TRIM2: variants seen among roughly 807,000 people sequenced by gnomAD.
The protein encoded by TRIM2 is tripartite motif-containing protein 2.
A neutral mutation model predicts 75.2 loss-of-function variants in TRIM2; 20 were observed. That is an observed-to-expected ratio of 0.27 (90% CI 0.19 to 0.39). TRIM2 has a LOEUF of 0.39. TRIM2 is among the 10% of genes least tolerant of loss of function. The probability of loss-of-function intolerance (pLI) is 1.00; values close to 1 mark genes in which losing one functional copy is unlikely to be tolerated. For missense variants in TRIM2, 660 were observed against 990.8 expected (o/e 0.67, Z 4.48); for synonymous variants, 373 against 388.3 (o/e 0.96, Z 0.46).
intron 10 of TRIM2, among the ~76,000 whole-genome samples, chr4:153,328,269 A>T (rs942584516): frequency 2.6e-5 from 4 of 152,244 alleles, no homozygotes; most frequent in Non-Finnish European, 5.9e-5. Flanking sequence ...TAACAAAGGT[A>T]TCATTCACAT....
At chr4:153,198,742 T>C (rs1371561265) in intron 1 of TRIM2, among the ~76,000 whole-genome samples, 1 of 152,212 alleles carries the variant, frequency 6.6e-6, no homozygotes, top group Non-Finnish European at 1.5e-5. Context: ...TTTTGTATGT[T>C]GGCAAATCAG....
intron 1 of TRIM2, among the ~76,000 whole-genome samples, chr4:153,178,188 C>T (rs1468163640): frequency 6.6e-6 from 1 of 152,066 alleles, no homozygotes. Context: ...ACCCAAGAGC[C>T]CCACTGAGAG....
chr4:153,152,264 C>G (rs895444225), upstream of TRIM2: 7 of 152,064 alleles, frequency 4.6e-5, 1 homozygote, highest in African/African-American at 1.7e-4. Context: ...TCCCGGGAAA[C>G]CACCCCCCGC....
intron 1 of TRIM2, among the ~76,000 whole-genome samples, chr4:153,250,136 T>C (rs1416519184): frequency 6.6e-6 from 1 of 152,064 alleles, no homozygotes; most frequent in Non-Finnish European, 1.5e-5. Flanking sequence ...TTTTCTTTTT[T>C]AAAGACAGGG....
intron 1 of TRIM2, among the ~76,000 whole-genome samples, chr4:153,223,911 A>G (rs1023333163): frequency 1.3e-5 from 2 of 152,234 alleles, no homozygotes; most frequent in Non-Finnish European, 2.9e-5. Flanking sequence ...TTCTTGCAGC[A>G]GTATGCACAT....
At chr4:153,220,560 A>T (rs1330732569) in intron 1 of TRIM2, among the ~76,000 whole-genome samples, 1 of 152,238 alleles carries the variant, frequency 6.6e-6, no homozygotes, top group South Asian at 2.1e-4. Flanking sequence ...TGAGAACTCA[A>T]CAATAAAAGA....
chr4:153,212,693 G>A (rs950063677), intron 1 of TRIM2, among the ~76,000 whole-genome samples: 1 of 152,086 alleles, frequency 6.6e-6, no homozygotes, highest in African/African-American at 2.4e-5. Context: ...GAAAAGAGGT[G>A]GATGCAGACT....
intron 1 of TRIM2, chr4:153,222,098 T>C (rs1740735610): frequency 1.3e-5 from 1 of 77,390 alleles, no homozygotes; most frequent in African/African-American, 4.8e-5. Flanking sequence ...GAAGGGTCCC[T>C]ACTCCAACTT....
chr4:153,221,876 G>T (rs140374317), intron 1 of TRIM2, among the ~76,000 whole-genome samples: 1 of 89,958 alleles, frequency 1.1e-5, no homozygotes, highest in African/African-American at 4.4e-5. Flanking sequence ...GGAAGGAAGG[G>T]AAGGAGGAAG....
intron 1 of TRIM2, among the ~76,000 whole-genome samples, chr4:153,163,005 A>C (rs906118625): frequency 1.8e-4 from 27 of 152,236 alleles, no homozygotes; most frequent in Non-Finnish European, 3.1e-4. Context: ...GAATCCTATC[A>C]TGTAAGACCC....
Position 153,204,536 on chromosome 4 carries a change from C to G in TRIM2, c.6C>G (p.His2Gln), listed in dbSNP as rs556989377. 1.3e-6 allele frequency: 2 copies of G among 1,551,706 alleles called. No homozygotes were observed. The highest frequency in any genetic ancestry group is 1.4e-5 in the African/African-American group (1 of 73,162). The part of the protein sequence containing the change: M[H>Q]RSGRYGTQQQ... ...GAGGCTGGCTCTGGTCTTCGATGCA[C>G]AGGAGTGGCCGTTATGGAACGCAGG... The change falls in exon 1 of 12, where the codon CAC becomes CAG. Residue 2 changes from histidine to glutamine, a missense_variant. Coordinates refer to ENST00000338700, the MANE Select transcript of TRIM2 (RefSeq NM_015271.5).
intron 6 of TRIM2, among the ~76,000 whole-genome samples, chr4:153,296,386 A>G (rs1762771329): frequency 6.6e-6 from 1 of 152,232 alleles, no homozygotes. Flanking sequence ...ATCTTGAAGG[A>G]AAAATTGGCA....
Position 153,248,023 on chromosome 4 carries a change from T to C in TRIM2, c.31-22312T>C, listed in dbSNP as rs1749773907. Among the ~76,000 whole-genome samples, 1 of 137,676 alleles carries C rather than the reference T, an allele frequency of 7.3e-6. No homozygotes were observed. Among genetic ancestry groups the C allele is most frequent in the Non-Finnish European group, 1.5e-5 (1 of 65,892 alleles). The allele number at this position is 137,676 out of a possible 152,430, so 90.3% of individuals were successfully genotyped here. A position where few individuals can be genotyped will look rare whatever the true frequency, so the allele number is the denominator to read the frequency against. ...TTTTTTTTTTTTTTTTGAGATGGAG[T>C]CTCGCTCTGTCCCCCAGGCTGGAGT... On this transcript the variant is annotated intron_variant, in intron 1 of 11. Transcript: ENST00000338700. The surrounding 1 kb of genome is among the most constrained non-coding windows in gnomAD (Gnocchi z 4.0).
At chr4:153,308,751 A>G (rs569817446) in intron 6 of TRIM2, 20 of 536,000 alleles carry the variant, frequency 3.7e-5, no homozygotes, top group African/African-American at 3.6e-4. Flanking sequence ...GGATTTCATG[A>G]ACAGCAGATA....
At chr4:153,206,209 G>A (rs1735390127) in intron 1 of TRIM2, among the ~76,000 whole-genome samples, 1 of 152,192 alleles carries the variant, frequency 6.6e-6, no homozygotes, top group Non-Finnish European at 1.5e-5. Context: ...GTCCTACCAG[G>A]CTGCCCCGAC....
intron 8 of TRIM2, among the ~76,000 whole-genome samples, chr4:153,322,283 CG>C (rs1769172372): frequency 6.6e-6 from 1 of 152,048 alleles, no homozygotes. Context: ...TGGTGGTGCA[CG>C]CCTGTAGTCC....
intron 1 of TRIM2, among the ~76,000 whole-genome samples, chr4:153,250,108 C>CTT (rs796197632): frequency 2.0e-5 from 3 of 146,974 alleles, no homozygotes; most frequent in African/African-American, 7.5e-5. Flanking sequence ...TTTTGCTTGT[C>CTT]TTTTTTTTTT....
chr4:153,213,534 T>A (rs990225171), intron 1 of TRIM2, among the ~76,000 whole-genome samples: 4 of 152,222 alleles, frequency 2.6e-5, no homozygotes, highest in African/African-American at 9.6e-5. Context: ...TTTACTTATT[T>A]ATTTATTTTT....
intron 1 of TRIM2, among the ~76,000 whole-genome samples, chr4:153,240,844 C>A (rs1043670585): frequency 2.0e-5 from 3 of 152,120 alleles, no homozygotes; most frequent in Admixed American, 2.0e-4. Context: ...TTTGGGAGGC[C>A]GAAGCAGGCG....
Sources: allele counts gnomAD v4.1 joint callset (sites outside exome capture counted in the v4.1 genomes callset), GRCh38; gene constraint gnomAD v4.1.1; non-coding constraint Gnocchi (gnomAD v3.1); transcripts MANE v1.5; gene names NCBI Gene and HGNC (gene_info 2026-07-23, HGNC 2026-07-21).